The following OLFM3 variants were observed in gnomAD, a reference collection of about 807,000 sequenced individuals.
OLFM3 encodes the protein noelin-3.
A neutral mutation model predicts 48.6 loss-of-function variants in OLFM3; 20 were observed. The ratio of observed to expected loss-of-function variants is 0.41; its 90% CI spans 0.29 to 0.60. OLFM3 has a LOEUF of 0.60. OLFM3 is among the 20% of genes least tolerant of loss of function. The pLI, the probability that OLFM3 is intolerant of heterozygous loss-of-function variation, is 0.28. For missense variants in OLFM3, 437 were observed against 544.3 expected, an observed-to-expected ratio of 0.80 and a Z score of 1.96; for synonymous variants, 222 against 198.1, an observed-to-expected ratio of 1.12 and a Z score of -1.01.
intron 1 of OLFM3, among the ~76,000 whole-genome samples, chr1:101,944,667 G>C (rs1375065493): frequency 6.6e-6 from 1 of 151,958 alleles, no homozygotes; most frequent in African/African-American, 2.4e-5. Flanking sequence ...ATCACCTGAG[G>C]GTAAGGAGTT....
chr1:101,834,753 T>A (rs1655322418), intron 2 of OLFM3, among the ~76,000 whole-genome samples: 1 of 152,226 alleles, frequency 6.6e-6, no homozygotes, highest in African/African-American at 2.4e-5. Flanking sequence ...TATTAATAAA[T>A]TTTTAAAGGT....
chr1:101,966,100 G>T (rs1034017047), intron 1 of OLFM3, among the ~76,000 whole-genome samples: 1 of 151,996 alleles, frequency 6.6e-6, no homozygotes, highest in Non-Finnish European at 1.5e-5. Flanking sequence ...TTAGCCCCAT[G>T]GTACTGTAAC....
intron 1 of OLFM3, among the ~76,000 whole-genome samples, chr1:101,853,883 C>A (rs955426991): frequency 1.3e-5 from 2 of 151,962 alleles, no homozygotes; most frequent in African/African-American, 2.4e-5. Context: ...AGAATGCAAG[C>A]ACTTTTGGTC....
chr1:101,987,099 A>G (rs1661263709), intron 1 of OLFM3, among the ~76,000 whole-genome samples: 1 of 152,206 alleles, frequency 6.6e-6, no homozygotes, highest in African/African-American at 2.4e-5. Flanking sequence ...AAATATTTAG[A>G]TATGGAGTCT....
Position 101,868,885 on chromosome 1 carries a change from C to A in OLFM3, c.70-31860G>T, listed in dbSNP as rs1387932809. 2.6e-5 allele frequency among the ~76,000 whole-genome samples: 4 copies of A among 152,202 alleles called. No homozygotes were observed. In the East Asian group the frequency reaches 7.7e-4, roughly 29 times the overall value. On this transcript the variant is annotated intron_variant, in intron 1 of 5. Coordinates refer to ENST00000370103, the MANE Select transcript of OLFM3 (RefSeq NM_058170.4). ...AGGCTGTTGCTTCAGAGGGTGCAAG[C>A]CCCAAGCCTTGGTGGTTTACATGTG... is the stretch of plus-strand genomic sequence containing the variant.
At chr1:101,806,277 T>G in intron 4 of OLFM3, 95 bp from the exon 5 acceptor site, 1 of 865,774 alleles carries the variant, frequency 1.2e-6, no homozygotes, top group Non-Finnish European at 1.9e-6. Flanking sequence ...ATCATAAAAC[T>G]AAGCCAATCC....
intron 4 of OLFM3, among the ~76,000 whole-genome samples, chr1:101,809,681 A>G (rs181977945): frequency 1.3e-5 from 2 of 152,044 alleles, no homozygotes; most frequent in African/African-American, 4.8e-5. Flanking sequence ...GGTCTCAGAA[A>G]TAAGTGGAAT....
At chr1:101,975,739 T>G (rs1203572343) in intron 1 of OLFM3, among the ~76,000 whole-genome samples, 4 of 152,084 alleles carry the variant, frequency 2.6e-5, no homozygotes, top group Non-Finnish European at 5.9e-5. Flanking sequence ...TCAAAAGAGA[T>G]AGCAGAAGTA....
chr1:101,920,141 C>T (rs1659049241), intron 1 of OLFM3, among the ~76,000 whole-genome samples: 1 of 152,290 alleles, frequency 6.6e-6, no homozygotes, highest in Non-Finnish European at 1.5e-5. Flanking sequence ...TAATTGGTCT[C>T]TCTGTTTGTG....
intron 4 of OLFM3, chr1:101,812,362 A>C (rs1229729801): frequency 1.1e-6 from 1 of 894,032 alleles, no homozygotes; most frequent in African/African-American, 1.8e-5. Context: ...TTAAACTTCA[A>C]AGTGAAGTTT....
intron 1 of OLFM3, among the ~76,000 whole-genome samples, chr1:101,898,826 G>A (rs1262570619): frequency 6.6e-6 from 1 of 152,118 alleles, no homozygotes; most frequent in East Asian, 1.9e-4. Context: ...TCCAGCCTGA[G>A]TGACAGAGCA....
intron 1 of OLFM3, among the ~76,000 whole-genome samples, chr1:101,853,736 A>G (rs1248047887): frequency 6.6e-6 from 1 of 152,118 alleles, no homozygotes; most frequent in African/African-American, 2.4e-5. Context: ...AACCAGTACA[A>G]TGTATTCCAG....
intron 2 of OLFM3, among the ~76,000 whole-genome samples, chr1:101,835,359 G>A (rs1259298674): frequency 6.6e-6 from 1 of 152,190 alleles, no homozygotes. Flanking sequence ...CTGTCACCCA[G>A]GCTGGAGTGC....
chr1:101,851,565 AG>A (rs1656221773), intron 1 of OLFM3, among the ~76,000 whole-genome samples: 1 of 152,124 alleles, frequency 6.6e-6, no homozygotes, highest in Non-Finnish European at 1.5e-5. Flanking sequence ...CCTTGGGTGA[AG>A]AGAATAATAC....
At chr1:101,834,654 T>C (rs1325589923) in intron 2 of OLFM3, among the ~76,000 whole-genome samples, 3 of 152,192 alleles carry the variant, frequency 2.0e-5, no homozygotes, top group African/African-American at 7.2e-5. Flanking sequence ...ATTCCTCTGT[T>C]GCTCTAAAAC....
At chr1:101,828,587 C>T (rs1184086881) in intron 3 of OLFM3, among the ~76,000 whole-genome samples, 1 of 152,124 alleles carries the variant, frequency 6.6e-6, no homozygotes, top group African/African-American at 2.4e-5. Context: ...GGGTTTATCT[C>T]AATTTTGTAT....
chr1:101,813,890 T>C (rs1298746722), intron 4 of OLFM3, among the ~76,000 whole-genome samples: 1 of 152,184 alleles, frequency 6.6e-6, no homozygotes, highest in Non-Finnish European at 1.5e-5. Flanking sequence ...TCCCAAAGCA[T>C]TAACAATTTA....
chr1:101,850,336 T>C (rs1017127133), intron 1 of OLFM3, among the ~76,000 whole-genome samples: 19 of 152,148 alleles, frequency 1.2e-4, no homozygotes, highest in African/African-American at 4.6e-4. Context: ...TTAGATTTTT[T>C]ATAGTAGCCT....
intron 1 of OLFM3, among the ~76,000 whole-genome samples, chr1:101,985,032 A>C (rs1417242063): frequency 6.6e-6 from 1 of 152,184 alleles, no homozygotes; most frequent in Non-Finnish European, 1.5e-5. Context: ...TCCTTTCTAA[A>C]GGGTCTCTGG....
Sources: allele counts gnomAD v4.1 joint callset (sites outside exome capture counted in the v4.1 genomes callset), GRCh38; gene constraint gnomAD v4.1.1; transcripts MANE v1.5; gene names NCBI Gene and HGNC (gene_info 2026-07-23, HGNC 2026-07-21).